The following SND1 variants were observed in gnomAD, a reference collection of about 807,000 sequenced individuals.
SND1 encodes staphylococcal nuclease domain-containing protein 1.
SND1 carries 38 observed loss-of-function variants against 121.7 expected under a neutral mutation model. The ratio of observed to expected loss-of-function variants is 0.31; its 90% CI spans 0.24 to 0.41. SND1 has a LOEUF of 0.41. Ranked by LOEUF, SND1 falls within the 10% of genes least tolerant of loss-of-function variation. The probability of loss-of-function intolerance (pLI) is 1.00; values close to 1 mark genes in which losing one functional copy is unlikely to be tolerated. For missense variants in SND1, 868 were observed against 1,184.6 expected (o/e 0.73, Z 3.92); for synonymous variants, 401 against 447.4 (o/e 0.90, Z 1.31).
intron 16 of SND1, among the ~76,000 whole-genome samples, chr7:128,047,259 C>T (rs1227035917): frequency 6.6e-6 from 1 of 152,216 alleles, no homozygotes; most frequent in Non-Finnish European, 1.5e-5. Flanking sequence ...GTTGATCAGG[C>T]AACCCGTGGA....
chr7:127,837,657 A>T (rs987196772), intron 11 of SND1, among the ~76,000 whole-genome samples: 2 of 152,336 alleles, frequency 1.3e-5, no homozygotes, highest in African/African-American at 4.8e-5. Flanking sequence ...ATTTGTTTTG[A>T]AGCTCTTCCT....
intron 12 of SND1, among the ~76,000 whole-genome samples, chr7:127,873,505 T>C (rs1436591323): frequency 6.6e-6 from 1 of 152,192 alleles, no homozygotes; most frequent in Non-Finnish European, 1.5e-5. Context: ...TGTCCTTACC[T>C]GAGCCTTCAA....
intron 10 of SND1, among the ~76,000 whole-genome samples, chr7:127,739,163 G>A (rs1796831894): frequency 6.6e-6 from 1 of 152,202 alleles, no homozygotes; most frequent in South Asian, 2.1e-4. Flanking sequence ...GTGATACTGT[G>A]TCATTTGTAT....
rs1448384402 is a variant in SND1, at chr7:127,755,640, TTGTC to T, written c.1152+34244_1152+34247del. 4.6e-5 allele frequency among the ~76,000 whole-genome samples: 7 copies of T among 152,370 alleles called. No homozygotes were observed. The East Asian group carries it at 9.6e-4, about 21-fold the overall frequency. On this transcript the variant is annotated intron_variant, in intron 10 of 23. Coordinates refer to ENST00000354725, the MANE Select transcript of SND1 (RefSeq NM_014390.4). ...ATGATAGGATGGATGTGGAGTTTCT[TTGTC>T]TGTGCCCTTCAGAATATGCAGCAGC... is the stretch of plus-strand genomic sequence containing the variant.
chr7:127,729,034 C>T (rs1459788067), intron 10 of SND1, among the ~76,000 whole-genome samples: 5 of 152,022 alleles, frequency 3.3e-5, no homozygotes, highest in African/African-American at 1.2e-4. Context: ...ATTGGGTTGA[C>T]TCGCCCTGCC....
chr7:127,701,073 G>C, intron 4 of SND1, 90 bp from the exon 5 acceptor site: 1 of 1,385,980 alleles, frequency 7.2e-7, no homozygotes, highest in Non-Finnish European at 1.0e-6. Context: ...TCTTCAAGGG[G>C]TGAAGATGCT....
intron 18 of SND1, among the ~76,000 whole-genome samples, chr7:128,083,649 A>G (rs1444536934): frequency 6.6e-6 from 1 of 152,236 alleles, no homozygotes; most frequent in Non-Finnish European, 1.5e-5. Flanking sequence ...GTATAGTAGC[A>G]GGGAACTTAT....
chr7:127,814,393 T>C (rs1440900589), intron 11 of SND1, among the ~76,000 whole-genome samples: 2 of 152,226 alleles, frequency 1.3e-5, no homozygotes, highest in Admixed American at 6.5e-5. Flanking sequence ...TCCAACTTCC[T>C]ATACCTCCTG....
At chr7:127,806,090 G>GTT (rs1798233395) in intron 10 of SND1, among the ~76,000 whole-genome samples, 1 of 152,156 alleles carries the variant, frequency 6.6e-6, no homozygotes, top group South Asian at 2.1e-4. Context: ...AAACAAATGG[G>GTT]TCTTTTTTGT....
chr7:127,749,579 A>G (rs1326407336), intron 10 of SND1, among the ~76,000 whole-genome samples: 1 of 152,214 alleles, frequency 6.6e-6, no homozygotes, highest in Non-Finnish European at 1.5e-5. Context: ...AAGAACGTTC[A>G]CACCGGGAAG....
intron 16 of SND1, among the ~76,000 whole-genome samples, chr7:128,044,270 A>C (rs1315515196): frequency 1.3e-5 from 2 of 152,244 alleles, no homozygotes; most frequent in African/African-American, 4.8e-5. Flanking sequence ...GGTGTGGTCA[A>C]GGAGCTTTGC....
At chr7:127,949,754 G>A (rs564530922) in intron 15 of SND1, among the ~76,000 whole-genome samples, 22 of 152,348 alleles carry the variant, frequency 1.4e-4, no homozygotes, top group African/African-American at 5.3e-4. Flanking sequence ...CCCCAGCACA[G>A]GGTGAAATGT....
chr7:127,795,546 G>A (rs1003874236), intron 10 of SND1, among the ~76,000 whole-genome samples: 31 of 152,128 alleles, frequency 2.0e-4, no homozygotes, highest in African/African-American at 7.5e-4. Flanking sequence ...TATTATATGT[G>A]TTCTGTAAGG....
At chr7:127,718,282 T>C (rs1343887471) in intron 9 of SND1, among the ~76,000 whole-genome samples, 1 of 152,136 alleles carries the variant, frequency 6.6e-6, no homozygotes, top group Non-Finnish European at 1.5e-5. Flanking sequence ...GAAATATCAC[T>C]GTTAAAATGT....
At chr7:127,942,365 A>G (rs1482987997) in intron 15 of SND1, among the ~76,000 whole-genome samples, 1 of 152,162 alleles carries the variant, frequency 6.6e-6, no homozygotes, top group African/African-American at 2.4e-5. Context: ...GCCAGGAGCA[A>G]AGGTCTCGTG....
At chr7:127,929,371 A>G in intron 15 of SND1, 42 bp downstream of exon 15, 1 of 1,606,314 alleles carries the variant, frequency 6.2e-7, no homozygotes, top group Non-Finnish European at 8.5e-7. Context: ...CTCAGAAGTC[A>G]TCCCTGGAAA....
rs1803197794 is a variant in SND1, at chr7:128,015,085, G to C, written c.1779+24029G>C. Among the ~76,000 whole-genome samples the C allele has an allele frequency of 6.6e-6, 1 of 152,210 alleles. No individual in the cohort carries two copies. The highest frequency in any genetic ancestry group is 1.9e-4 in the East Asian group (1 of 5,194). On this transcript the variant is annotated intron_variant, in intron 16 of 23. Transcript: ENST00000354725. This position sits in a 1 kb window ranked among gnomAD's most constrained non-coding sequence, Gnocchi z 4.5. ...GTCCAAGCTGTCTGAGCCATCAGCAGCTGCACCTCCTCCCTCGCGCCTTCT... is the reference window on the plus strand; with the variant it reads ...GTCCAAGCTGTCTGAGCCATCAGCACCTGCACCTCCTCCCTCGCGCCTTCT...
chr7:127,880,099 G>A (rs372865190), intron 12 of SND1, among the ~76,000 whole-genome samples: 18 of 152,252 alleles, frequency 1.2e-4, no homozygotes, highest in African/African-American at 3.9e-4. Context: ...AGCCCCATTC[G>A]GTGAAGAGAT....
At chr7:128,089,725 C>T (rs370564937) in intron 22 of SND1, 33 bp downstream of exon 22, 40 of 1,582,000 alleles carry the variant, frequency 2.5e-5, no homozygotes, top group African/African-American at 2.4e-4. Flanking sequence ...CCCAGCATTG[C>T]GCCACCACCC....
Sources: allele counts gnomAD v4.1 joint callset (sites outside exome capture counted in the v4.1 genomes callset), GRCh38; gene constraint gnomAD v4.1.1; non-coding constraint Gnocchi (gnomAD v3.1); transcripts MANE v1.5; gene names NCBI Gene and HGNC (gene_info 2026-07-23, HGNC 2026-07-21).